LRR1: variants seen among roughly 807,000 people sequenced by gnomAD.
LRR1 encodes leucine rich repeat protein 1, also known as leucine-rich repeat protein 1.
Under a neutral mutation model 31.6 loss-of-function variants are expected in LRR1, and 29 were observed. The ratio of observed to expected loss-of-function variants is 0.92; its 90% CI spans 0.68 to 1.25. The LOEUF is 1.25. LRR1 is among the 50% of genes most tolerant of loss of function. LRR1 has a pLI of 0.00. For missense variants in LRR1, 485 were observed against 487.2 expected (o/e 1.00, Z 0.04); for synonymous variants, 179 against 181.4 (o/e 0.99, Z 0.10).
At chr14:49,602,970 G>A (rs922268235) in intron 2 of LRR1, among the ~76,000 whole-genome samples, 24 of 151,722 alleles carry the variant, frequency 1.6e-4, no homozygotes, top group Admixed American at 7.9e-4. Context: ...CGAGTAGCTG[G>A]GATTACAGAC....
At chr14:49,610,719 TG>T (rs1424246979) in intron 3 of LRR1, among the ~76,000 whole-genome samples, 11 of 151,246 alleles carry the variant, frequency 7.3e-5, no homozygotes, top group Admixed American at 1.3e-4. Context: ...CCCATGACCA[TG>T]GCCGGCTAAA....
At chr14:49,610,585 C>T (rs1006528057) in intron 3 of LRR1, among the ~76,000 whole-genome samples, 1 of 150,708 alleles carries the variant, frequency 6.6e-6, no homozygotes, top group African/African-American at 2.4e-5. Context: ...TTTTTTGAGA[C>T]AGTCTCTTTC....
At chr14:49,603,812 G>A (rs1368887876) in intron 2 of LRR1, among the ~76,000 whole-genome samples, 87 of 143,544 alleles carry the variant, frequency 6.1e-4, no homozygotes, top group African/African-American at 2.1e-3. Flanking sequence ...TCCTGCCCCA[G>A]CCTCCCAGTA....
chr14:49,609,750 G>C (rs1159420742), intron 3 of LRR1, among the ~76,000 whole-genome samples: 1 of 151,626 alleles, frequency 6.6e-6, no homozygotes, highest in African/African-American at 2.4e-5. Context: ...CTGTCGCCCA[G>C]GTTGGAGTGC....
At position 49,614,437 on chromosome 14, in the gene LRR1, A is replaced by G. The variant is rs1257573979; in HGVS notation, c.1186A>G (p.Ile396Val). 2 of 1,613,836 alleles carry G rather than the reference A, an allele frequency of 1.2e-6. No individual in the cohort carries two copies. The highest frequency in any genetic ancestry group is 1.3e-5 in the African/African-American group (1 of 74,914). Reference sequence around the variant, plus strand: ...TAATTTGGGTGGTACTGAAGCACCTATTATCTCTTATTTCTGTTCTCTAGG... The same window carrying G: ...TAATTTGGGTGGTACTGAAGCACCTGTTATCTCTTATTTCTGTTCTCTAGG... ...VDNLGGTEAPIISYFCSLGCY... is the reference protein window; with the variant it reads ...VDNLGGTEAPVISYFCSLGCY... The change falls in exon 4 of 4, where the codon ATT (isoleucine) becomes GTT (valine). Residue 396 changes from isoleucine to valine, a missense_variant. Physicochemically the swap from Ile to Val is conservative, Grantham distance 29. Transcript: ENST00000298288.
intron 3 of LRR1, among the ~76,000 whole-genome samples, chr14:49,613,491 T>G: frequency 7.4e-6 from 1 of 135,212 alleles, no homozygotes; most frequent in Admixed American, 7.7e-5. Flanking sequence ...GGCAACAGAG[T>G]GAGACTCCAT....
intron 3 of LRR1, chr14:49,612,388 G>T: frequency 1.0e-6 from 1 of 990,876 alleles, no homozygotes; most frequent in Non-Finnish European, 1.3e-6. Context: ...ATACAGTTAT[G>T]ATCTATTAGG....
intron 1 of LRR1, chr14:49,601,440 C>T (rs1882046083): frequency 1.9e-6 from 1 of 526,480 alleles, no homozygotes; most frequent in East Asian, 6.4e-5. Context: ...GCAGATGCAA[C>T]AGCAATCATT....
At chr14:49,606,956 C>T (rs1374666815) in intron 2 of LRR1, among the ~76,000 whole-genome samples, 1 of 152,150 alleles carries the variant, frequency 6.6e-6, no homozygotes, top group Non-Finnish European at 1.5e-5. Context: ...TGCGCCCCAC[C>T]TAAACTCAAA....
chr14:49,611,443 C>G (rs555430148), intron 3 of LRR1, among the ~76,000 whole-genome samples: 2 of 152,058 alleles, frequency 1.3e-5, no homozygotes, highest in East Asian at 1.9e-4. Context: ...CCACTGCACT[C>G]CAGCTTGGGA....
At chr14:49,600,000 C>T (rs1038735683) in intron 1 of LRR1, 25 of 1,605,638 alleles carry the variant, frequency 1.6e-5, no homozygotes, top group Middle Eastern at 2.2e-4. Flanking sequence ...CATCATGGCT[C>T]ACGGGCCCGG....
At chr14:49,604,983 C>T (rs1882229348) in intron 2 of LRR1, among the ~76,000 whole-genome samples, 1 of 151,928 alleles carries the variant, frequency 6.6e-6, no homozygotes, top group Non-Finnish European at 1.5e-5. Flanking sequence ...GCACCCTCGA[C>T]CTTCCAGGCT....
intron 1 of LRR1, chr14:49,600,617 A>C: frequency 6.6e-7 from 1 of 1,520,552 alleles, no homozygotes; most frequent in East Asian, 2.2e-5. Flanking sequence ...TACGTGAGAA[A>C]CATCTTCAGT....
At chr14:49,610,587 G>C (rs1205195499) in intron 3 of LRR1, among the ~76,000 whole-genome samples, 2 of 150,024 alleles carry the variant, frequency 1.3e-5, no homozygotes, top group South Asian at 4.2e-4. Context: ...TTTTGAGACA[G>C]TCTCTTTCAC....
intron 1 of LRR1, chr14:49,600,700 A>G: frequency 8.8e-7 from 1 of 1,134,278 alleles, no homozygotes. Flanking sequence ...TTTTATAGGT[A>G]ATGAAGCAGT....
At chr14:49,606,831 A>G (rs1382480260) in intron 2 of LRR1, among the ~76,000 whole-genome samples, 2 of 150,066 alleles carry the variant, frequency 1.3e-5, no homozygotes, top group East Asian at 3.9e-4. Flanking sequence ...TAATTTTTGT[A>G]TTTTTAGTAG....
rs1243556950 is a variant in LRR1 at position 49,608,859 on chromosome 14, A to G, written c.1004+738A>G. ...GGGTGGTCTTTGGAGTCAGACTTGG[A>G]TTTGATTCCTGGCTTCACCACTTTG... On this transcript the variant is annotated intron_variant, in intron 3 of 3. Coordinates refer to ENST00000298288, the MANE Select transcript of LRR1 (RefSeq NM_152329.4). Among the ~76,000 whole-genome samples, 13 of 131,678 alleles carry G rather than the reference A, an allele frequency of 9.9e-5. No homozygotes were observed. The East Asian group carries it at 3.4e-3, about 35-fold the overall frequency. 86.4% of individuals were successfully genotyped at this position (131,678 alleles called of 152,430 possible).
intron 3 of LRR1, among the ~76,000 whole-genome samples, chr14:49,609,415 ATTTG>A (rs1477047364): frequency 1.3e-5 from 2 of 148,518 alleles, no homozygotes; most frequent in African/African-American, 2.5e-5. Flanking sequence ...CATTTTATTT[ATTTG>A]TTTGAGACAG....
intron 3 of LRR1, among the ~76,000 whole-genome samples, chr14:49,608,784 C>G (rs531235567): frequency 6.6e-6 from 1 of 151,826 alleles, no homozygotes; most frequent in Admixed American, 6.6e-5. Context: ...AGTGAGTCTT[C>G]CAAGTGATTT....
Sources: gnomAD v4.1 joint callset for allele counts (sites outside exome capture counted in the v4.1 genomes callset) on GRCh38, gnomAD v4.1.1 for gene constraint, MANE v1.5 for transcripts, NCBI Gene and HGNC (gene_info 2026-07-23, HGNC 2026-07-21) for gene names.